The following STX18 variants were observed in gnomAD, a reference collection of about 807,000 sequenced individuals.
STX18 encodes the protein syntaxin-18.
STX18 carries 40 observed loss-of-function variants against 50.1 expected under a neutral mutation model. The ratio of observed to expected loss-of-function variants is 0.80; its 90% CI spans 0.62 to 1.04. STX18 has a LOEUF of 1.04. Ranked by LOEUF, STX18 falls within the 50% of genes least tolerant of loss-of-function variation. The pLI is 0.00. For missense variants in STX18, 410 were observed against 415.8 expected, an observed-to-expected ratio of 0.99 and a Z score of 0.12; for synonymous variants, 158 against 151.8, an observed-to-expected ratio of 1.04 and a Z score of -0.30.
chr4:4,437,022 C>T (rs371332786), intron 6 of STX18, among the ~76,000 whole-genome samples: 8 of 145,058 alleles, frequency 5.5e-5, no homozygotes, highest in East Asian at 4.0e-4. Context: ...TGCAATGGCA[C>T]GATCTTGGCT....
chr4:4,434,376 G>A (rs993420753), intron 7 of STX18, among the ~76,000 whole-genome samples: 1 of 152,144 alleles, frequency 6.6e-6, no homozygotes, highest in African/African-American at 2.4e-5. Context: ...TAGTTAAGGT[G>A]TTACTCTTTT....
chr4:4,445,855 C>T (rs1463335036), intron 5 of STX18, among the ~76,000 whole-genome samples: 2 of 152,004 alleles, frequency 1.3e-5, no homozygotes, highest in Admixed American at 6.5e-5. Flanking sequence ...TGGAAATATA[C>T]AAAAAATCTA....
intron 1 of STX18, among the ~76,000 whole-genome samples, chr4:4,492,715 A>G (rs1373677981): frequency 6.6e-6 from 1 of 152,162 alleles, no homozygotes; most frequent in Non-Finnish European, 1.5e-5. Context: ...TTATCACCAT[A>G]TGACTAAGAA....
At position 4,542,002 on chromosome 4, in the gene STX18, A is replaced by G; in HGVS notation, c.-38T>C. Reference sequence around the variant, plus strand: ...CCTCAGCCCCACACTAGGCCCGCCCACGTAAGCAGCCGGCGACCGCGGCGC... The same window carrying G: ...CCTCAGCCCCACACTAGGCCCGCCCGCGTAAGCAGCCGGCGACCGCGGCGC... On this transcript the variant is annotated 5_prime_UTR_variant, in exon 1 of 11. Coordinates refer to ENST00000306200, the MANE Select transcript of STX18 (RefSeq NM_016930.4). The G allele has an allele frequency of 6.5e-7, 1 of 1,528,624 alleles. No individual in the cohort carries two copies. The highest frequency in any genetic ancestry group is 8.8e-7 in the Non-Finnish European group (1 of 1,137,024). 94.7% of individuals were successfully genotyped at this position (1,528,624 alleles called of 1,614,324 possible).
In STX18 at chr4:4,438,468, G is replaced by T. The variant is rs1455807265; in HGVS notation, c.539C>A (p.Ser180Tyr). ...CTGTGAAACTTTCTCAGAAGATGTG[G>T]ATTCTCTTGTCTTTGTATTTGGTTC... ...EPEPNTKTRE[S>Y]TSSEKVSQSP... Residue 180 changes from serine (S) to tyrosine (Y), a missense_variant, in exon 6 of 11, where the codon TCC becomes TAC. Ser to Tyr is a moderately radical substitution (Grantham distance 144, BLOSUM62 -2). Transcript: ENST00000306200. The T allele has an allele frequency of 2.5e-6, 4 of 1,613,682 alleles. No homozygotes were observed. The African/African-American group carries it at 4.0e-5, about 16-fold the overall frequency.
intron 1 of STX18, among the ~76,000 whole-genome samples, chr4:4,525,381 T>C (rs971685990): frequency 1.3e-5 from 2 of 152,190 alleles, no homozygotes; most frequent in African/African-American, 4.8e-5. Context: ...CTGTTAATGA[T>C]GAAAAAAACT....
chr4:4,464,761 TAAC>T (rs1727537524), intron 2 of STX18, among the ~76,000 whole-genome samples: 2 of 152,224 alleles, frequency 1.3e-5, no homozygotes, highest in South Asian at 4.1e-4. Flanking sequence ...ACATCCCTCT[TAAC>T]ATTTCTAACT....
chr4:4,514,049 A>G (rs1342092051), intron 1 of STX18, among the ~76,000 whole-genome samples: 1 of 152,200 alleles, frequency 6.6e-6, no homozygotes, highest in Non-Finnish European at 1.5e-5. Flanking sequence ...TAAAGGAGAC[A>G]TGACATCAAC....
intron 5 of STX18, among the ~76,000 whole-genome samples, chr4:4,442,883 G>GA (rs1726198573): frequency 6.8e-6 from 1 of 147,580 alleles, no homozygotes; most frequent in South Asian, 2.1e-4. Context: ...AACTAGGCAA[G>GA]AAAGTTCACA....
intron 5 of STX18, among the ~76,000 whole-genome samples, chr4:4,452,735 G>A (rs1726825572): frequency 6.6e-6 from 1 of 152,200 alleles, no homozygotes. Context: ...GGCTATAGCT[G>A]CTATAGATAG....
intron 1 of STX18, among the ~76,000 whole-genome samples, chr4:4,539,614 TACTC>T (rs1381968653): frequency 6.6e-6 from 1 of 152,206 alleles, no homozygotes; most frequent in Non-Finnish European, 1.5e-5. Context: ...ATGTGACACC[TACTC>T]ACATCAATAC....
At chr4:4,477,649 C>T (rs1728255005) in intron 1 of STX18, among the ~76,000 whole-genome samples, 1 of 152,142 alleles carries the variant, frequency 6.6e-6, no homozygotes, top group South Asian at 2.1e-4. Flanking sequence ...AGCCTGGATC[C>T]AATCCAGCCA....
At chr4:4,477,880 T>C (rs1260902411) in intron 1 of STX18, 1 of 152,244 alleles carries the variant, frequency 6.6e-6, no homozygotes, top group Non-Finnish European at 1.5e-5. Context: ...TGATCGCTAC[T>C]TACAGAGCAC....
At chr4:4,449,738 G>A (rs1726648064) in intron 5 of STX18, among the ~76,000 whole-genome samples, 1 of 152,174 alleles carries the variant, frequency 6.6e-6, no homozygotes, top group African/African-American at 2.4e-5. Flanking sequence ...ACCAGGGGGA[G>A]CAGTGCTTTG....
chr4:4,448,767 A>C (rs2108804482), intron 5 of STX18, among the ~76,000 whole-genome samples: 1 of 152,338 alleles, frequency 6.6e-6, no homozygotes, highest in South Asian at 2.1e-4. Flanking sequence ...GAAGCCTGGC[A>C]CACAGTAGGT....
chr4:4,458,874 C>T (rs941748650), intron 3 of STX18, among the ~76,000 whole-genome samples: 2 of 152,166 alleles, frequency 1.3e-5, no homozygotes, highest in African/African-American at 4.8e-5. Flanking sequence ...GCCCTGGCTC[C>T]AGAGCCTTCC....
intron 6 of STX18, among the ~76,000 whole-genome samples, chr4:4,435,390 T>G (rs1725723948): frequency 6.6e-6 from 1 of 152,204 alleles, no homozygotes; most frequent in African/African-American, 2.4e-5. Flanking sequence ...CTAAAGATAT[T>G]CACATACAAA....
intron 1 of STX18, among the ~76,000 whole-genome samples, chr4:4,512,474 T>G (rs1730049426): frequency 6.6e-6 from 1 of 151,920 alleles, no homozygotes; most frequent in South Asian, 2.1e-4. Flanking sequence ...GAAGCCAGAG[T>G]GGGGATGAGT....
rs1724881548 is a variant in STX18 at position 4,420,504 on chromosome 4, T to C, written c.912+360A>G. The C allele has an allele frequency of 2.5e-6, 1 of 394,068 alleles. No individual in the cohort carries two copies. Among genetic ancestry groups the C allele is most frequent in the Non-Finnish European group, 4.6e-6 (1 of 215,782 alleles). The allele number at this position is 394,068 out of a possible 1,614,324, so 24.4% of individuals were successfully genotyped here. On this transcript the variant is annotated intron_variant, in intron 10 of 10. Transcript: ENST00000306200. This position sits in a 1 kb window ranked among gnomAD's most constrained non-coding sequence, Gnocchi z 4.3. ...TTGGGAAACAGTCCCCTCAACAGGA[T>C]GGCTGTAGTGTCCTCTGTAAGCAGG... is the stretch of plus-strand genomic sequence containing the variant.
Sources: gnomAD v4.1 joint callset for allele counts (sites outside exome capture counted in the v4.1 genomes callset) on GRCh38, gnomAD v4.1.1 for gene constraint, Gnocchi (gnomAD v3.1) non-coding constraint, MANE v1.5 for transcripts, NCBI Gene and HGNC (gene_info 2026-07-23, HGNC 2026-07-21) for gene names.